Variants in ENOX2 observed in about 807,000 individuals in gnomAD.
The protein encoded by ENOX2 is ecto-NOX disulfide-thiol exchanger 2, also known as APK1 antigen.
In ENOX2, 36 loss-of-function variants were observed where a neutral mutation model predicts 45.0. The observed-to-expected ratio is 0.80, with a 90% CI of 0.61 to 1.06. The LOEUF is 1.06. Among genes scored for constraint, ENOX2 ranks in the 50% least tolerant of loss-of-function variants. The pLI, the probability that ENOX2 is intolerant of heterozygous loss-of-function variation, is 0.00. For synonymous variants in ENOX2, 174 were observed against 152.3 expected (o/e 1.14, Z -1.05); for missense variants, 423 against 462.5 (o/e 0.91, Z 0.78).
chrX:130,809,624 C>A (rs778513227), intron 2 of ENOX2, among the ~76,000 whole-genome samples: 18 of 111,592 alleles, frequency 1.6e-4, no homozygotes, highest in Non-Finnish European at 3.4e-4. Context: ...TCTTCTCATT[C>A]TTTATGTATT....
intron 2 of ENOX2, among the ~76,000 whole-genome samples, chrX:130,869,414 A>G (rs2078537036): frequency 9.0e-6 from 1 of 111,378 alleles, no homozygotes. Flanking sequence ...TGCACCTCCC[A>G]ACTTATTACA....
chrX:130,632,052 C>T (rs1489690759), intron 12 of ENOX2, among the ~76,000 whole-genome samples: 1 of 111,172 alleles, frequency 9.0e-6, no homozygotes, highest in Non-Finnish European at 1.9e-5. Flanking sequence ...GGTCCACACT[C>T]TGTTAATGGT....
intron 3 of ENOX2, among the ~76,000 whole-genome samples, chrX:130,757,158 T>C (rs2039372526): frequency 8.9e-6 from 1 of 112,043 alleles, no homozygotes; most frequent in South Asian, 3.8e-4. Flanking sequence ...TGTGGCAACA[T>C]ATATTTATCA....
intron 3 of ENOX2, among the ~76,000 whole-genome samples, chrX:130,719,375 G>A (rs897495934): frequency 1.8e-5 from 2 of 109,376 alleles, no homozygotes; most frequent in Non-Finnish European, 3.8e-5. Context: ...GTGCCCAGGA[G>A]GGGGTGTGAG....
intron 3 of ENOX2, among the ~76,000 whole-genome samples, chrX:130,719,168 G>A (rs749318006): frequency 1.8e-5 from 2 of 111,035 alleles, no homozygotes; most frequent in Non-Finnish European, 1.9e-5. Context: ...TTCTGCAAAC[G>A]ATATAACCAA....
chrX:130,721,656 C>A (rs2038481270), intron 3 of ENOX2, among the ~76,000 whole-genome samples: 1 of 111,621 alleles, frequency 9.0e-6, no homozygotes, highest in Non-Finnish European at 1.9e-5. Flanking sequence ...TACCACTGCA[C>A]ACACACACTG....
rs145194715 is a variant in ENOX2, at chrX:130,730,159, C to T, written c.-38-26905G>A. Among the ~76,000 whole-genome samples the T allele has an allele frequency of 3.8e-3, 431 of 112,198 alleles. 1 individual carries two copies. The highest frequency in any genetic ancestry group is 0.013 in the African/African-American group (412 of 30,885). On this transcript the variant is annotated intron_variant, in intron 3 of 14. Transcript: ENST00000394363. ...TTTGTCACTCTGTCCTCCACATATA[C>T]GCACATGTATATACACAGAGGGATC... is the stretch of plus-strand genomic sequence containing the variant.
intron 3 of ENOX2, among the ~76,000 whole-genome samples, chrX:130,774,185 AT>A (rs2039802221): frequency 8.9e-6 from 1 of 112,296 alleles, no homozygotes; most frequent in Non-Finnish European, 1.9e-5. Context: ...AATGTCCAGC[AT>A]TCTGAATCAC....
At chrX:130,871,029 T>A (rs747022025) in intron 2 of ENOX2, among the ~76,000 whole-genome samples, 1 of 110,709 alleles carries the variant, frequency 9.0e-6, no homozygotes, top group African/African-American at 3.3e-5. Context: ...TCTATATGCT[T>A]CCACTAGTCG....
chrX:130,687,540 G>T (rs1003162201), intron 5 of ENOX2, among the ~76,000 whole-genome samples: 1 of 112,445 alleles, frequency 8.9e-6, no homozygotes, highest in African/African-American at 3.2e-5. Context: ...AAATGGTGCT[G>T]CTCATTCACT....
chrX:130,864,484 A>C (rs1429075313), intron 2 of ENOX2, among the ~76,000 whole-genome samples: 1 of 111,979 alleles, frequency 8.9e-6, no homozygotes, highest in African/African-American at 3.2e-5. Flanking sequence ...CTGACACACA[A>C]AAACTGTAAG....
At chrX:130,739,927 T>C (rs1181296000) in intron 3 of ENOX2, among the ~76,000 whole-genome samples, 1 of 112,514 alleles carries the variant, frequency 8.9e-6, no homozygotes, top group Admixed American at 9.4e-5. Flanking sequence ...ATAGGTTTAA[T>C]TTGTCGGAAT....
Position 130,703,979 on chromosome X carries a change from A to G in ENOX2, c.-38-725T>C, listed in dbSNP as rs565848920. 5.4e-5 allele frequency among the ~76,000 whole-genome samples: 6 copies of G among 111,996 alleles called. No individual in the cohort carries two copies. The Admixed American group carries it at 5.7e-4, about 11-fold the overall frequency. ...TGAACACTTACTGTATGCCAGGTAA[A>G]TCACTTGGCATGCATCATTCTCATT... is the stretch of plus-strand genomic sequence containing the variant. On this transcript the variant is annotated intron_variant, in intron 3 of 14. Coordinates refer to ENST00000394363, the MANE Select transcript of ENOX2 (RefSeq NM_006375.4).
At position 130,665,495 on chromosome X, in the gene ENOX2, C is replaced by T. The variant is rs1185869851; in HGVS notation, c.1014+148G>A. ...CAGGTGGTCTGGACACAGTGACAGG[C>T]TATAGAACATATCTTAGTGTTTCAT... On this transcript the variant is annotated intron_variant, in intron 9 of 14. Transcript: ENST00000394363. 6.5e-6 allele frequency: 3 copies of T among 461,978 alleles called. No individual in the cohort carries two copies. In the African/African-American group the frequency reaches 7.2e-5, roughly 11 times the overall value. 38.1% of individuals were successfully genotyped at this position (461,978 alleles called of 1,213,427 possible).
At chrX:130,805,639 A>G (rs1274636016) in intron 2 of ENOX2, among the ~76,000 whole-genome samples, 1 of 111,617 alleles carries the variant, frequency 9.0e-6, no homozygotes, top group Non-Finnish European at 1.9e-5. Flanking sequence ...TGTCATATCC[A>G]TAGACACTCA....
rs767487863 is a variant in ENOX2 at position 130,896,048 on chromosome X, C to T, written c.-183+5636G>A. Reference sequence around the variant, plus strand: ...TTTTTTAAACTAAGTCTGTTTTGATCTTCAAAAATGTCAGACTGGTAAACA... The same window carrying T: ...TTTTTTAAACTAAGTCTGTTTTGATTTTCAAAAATGTCAGACTGGTAAACA... On this transcript the variant is annotated intron_variant, in intron 2 of 14. Coordinates refer to ENST00000394363, the MANE Select transcript of ENOX2 (RefSeq NM_006375.4). Among the ~76,000 whole-genome samples the T allele has an allele frequency of 7.1e-4, 80 of 112,247 alleles. 1 individual carries two copies. The highest frequency in any genetic ancestry group is 6.6e-4 in the Non-Finnish European group (35 of 53,243).
intron 2 of ENOX2, among the ~76,000 whole-genome samples, chrX:130,900,929 C>G (rs947877117): frequency 8.9e-6 from 1 of 112,224 alleles, no homozygotes; most frequent in Non-Finnish European, 1.9e-5. Flanking sequence ...TGAAAGAGAT[C>G]TAGTGTCCCA....
At chrX:130,795,726 T>C (rs2077113036) in intron 2 of ENOX2, among the ~76,000 whole-genome samples, 1 of 112,247 alleles carries the variant, frequency 8.9e-6, no homozygotes, top group Admixed American at 9.4e-5. Context: ...GCTTCATTCA[T>C]GCCAAAATTC....
chrX:130,835,578 C>T (rs993797684), intron 2 of ENOX2, among the ~76,000 whole-genome samples: 14 of 110,931 alleles, frequency 1.3e-4, no homozygotes, highest in African/African-American at 4.6e-4. Context: ...AAATTCTACA[C>T]GAATTAGCTA....
Sources: gnomAD v4.1 joint callset for allele counts (sites outside exome capture counted in the v4.1 genomes callset) on GRCh38, gnomAD v4.1.1 for gene constraint, MANE v1.5 for transcripts, NCBI Gene and HGNC (gene_info 2026-07-23, HGNC 2026-07-21) for gene names.